The following CGNL1 variants were observed in gnomAD, a reference collection of about 807,000 sequenced individuals.
CGNL1 encodes cingulin-like protein 1.
CGNL1 carries 132 observed loss-of-function variants against 141.2 expected under a neutral mutation model. That is an observed-to-expected ratio of 0.93 (90% CI 0.81 to 1.08). The LOEUF (loss-of-function observed/expected upper bound fraction) is 1.08, where lower values mean the gene tolerates loss of function less well. Ranked by LOEUF, CGNL1 falls within the 50% of genes least tolerant of loss-of-function variation. The pLI is 0.00. For missense variants in CGNL1, 1,870 were observed against 1,588.6 expected (o/e 1.18, Z -3.01); for synonymous variants, 690 against 622.1 (o/e 1.11, Z -1.63).
intron 7 of CGNL1, among the ~76,000 whole-genome samples, chr15:57,454,635 T>C (rs2063357659): frequency 6.6e-6 from 1 of 152,190 alleles, no homozygotes; most frequent in African/African-American, 2.4e-5. Context: ...TTTTTCACAT[T>C]GGCAGAGGAG....
At chr15:57,465,273 A>G (rs886544390) in intron 8 of CGNL1, among the ~76,000 whole-genome samples, 22 of 152,072 alleles carry the variant, frequency 1.4e-4, no homozygotes, top group African/African-American at 5.1e-4. Flanking sequence ...TGAATTAAAT[A>G]TAATTTTTAA....
chr15:57,524,583 G>A lies in CGNL1; in HGVS notation c.2871G>A (p.Met957Ile), dbSNP rs749940523. Residue 957 changes from methionine (M) to isoleucine (I), a missense_variant and splice_region_variant, in exon 12 of 19, where the codon ATG becomes ATA. Transcript: ENST00000281282. ...CACACCCGTGTCACTTCTTCTAGAT[G>A]GCAGACATTGTTGAGGCCTCCCGTA... is the stretch of plus-strand genomic sequence containing the variant. The part of the protein sequence containing the change: ...GKTIEKLQKE[M>I]ADIVEASRTS... 1 of 1,612,084 alleles carries A rather than the reference G, an allele frequency of 6.2e-7. No individual in the cohort carries two copies. Among genetic ancestry groups the A allele is most frequent in the Non-Finnish European group, 8.5e-7 (1 of 1,179,328 alleles).
At chr15:57,531,617 C>T in intron 13 of CGNL1, 73 bp from the exon 14 acceptor site, 1 of 939,630 alleles carries the variant, frequency 1.1e-6, no homozygotes, top group Non-Finnish European at 1.7e-6. Context: ...GATTGTTTCT[C>T]TGTGGGGGAG....
intron 8 of CGNL1, among the ~76,000 whole-genome samples, chr15:57,502,758 G>T (rs893092892): frequency 1.3e-5 from 2 of 152,166 alleles, no homozygotes; most frequent in Admixed American, 6.5e-5. Flanking sequence ...ACTGTACCTT[G>T]TTCAAGTTGT....
At chr15:57,404,459 C>G (rs999838762) in intron 1 of CGNL1, among the ~76,000 whole-genome samples, 2 of 152,184 alleles carry the variant, frequency 1.3e-5, no homozygotes, top group African/African-American at 2.4e-5. Flanking sequence ...CTATGAAAAA[C>G]TATGGTGATG....
chr15:57,464,283 C>T (rs1250274788), intron 8 of CGNL1, among the ~76,000 whole-genome samples: 1 of 151,974 alleles, frequency 6.6e-6, no homozygotes, highest in Non-Finnish European at 1.5e-5. Context: ...AATGCTGGGC[C>T]CATGTTGCTA....
intron 3 of CGNL1, among the ~76,000 whole-genome samples, chr15:57,441,379 TA>T (rs1173397440): frequency 6.6e-6 from 1 of 152,132 alleles, no homozygotes; most frequent in African/African-American, 2.4e-5. Context: ...ATTTTTTTTT[TA>T]TTTTTTGGGA....
rs2031406782 is a variant in CGNL1, at chr15:57,523,515, G to A, written c.2742G>A (p.Glu914=). 3.7e-6 allele frequency: 6 copies of A among 1,614,090 alleles called. No individual in the cohort carries two copies. Among genetic ancestry groups the A allele is most frequent in the Non-Finnish European group, 5.1e-6 (6 of 1,180,034 alleles). Residue 914 remains glutamate, a synonymous_variant, in exon 11 of 19, where the codon GAG becomes GAA. Transcript: ENST00000281282. Reference sequence around the variant, plus strand: ...GAAATCTGAGTCAGACTACCCAGGAGCAGAAGCAGTTGTCTGAGAAGCTCA... The same window carrying A: ...GAAATCTGAGTCAGACTACCCAGGAACAGAAGCAGTTGTCTGAGAAGCTCA... ...AQGNLSQTTQ[E]QKQLSEKLKE...
rs970077888 is a variant in CGNL1 at position 57,538,953 on chromosome 15, C to G, written c.3292-4743C>G. Among the ~76,000 whole-genome samples the G allele has an allele frequency of 3.3e-5, 5 of 152,316 alleles. No individual in the cohort carries two copies. In the South Asian group the frequency reaches 1.0e-3, roughly 32 times the overall value. On this transcript the variant is annotated intron_variant, in intron 14 of 18. Transcript: ENST00000281282. ...GGTTGGAATCCCAAAGCTGCTTCCA[C>G]CTAACTCTGACTCAGAAGCTGTTTC... is the stretch of plus-strand genomic sequence containing the variant.
At chr15:57,523,430 C>A (rs777992583) in intron 10 of CGNL1, 59 bp from the exon 11 acceptor site, 17 of 1,554,932 alleles carry the variant, frequency 1.1e-5, no homozygotes, top group Non-Finnish European at 1.5e-5. Context: ...CTGTGCCACC[C>A]GTTCCTGTGG....
intron 1 of CGNL1, among the ~76,000 whole-genome samples, chr15:57,380,677 C>T (rs1299358791): frequency 6.6e-6 from 1 of 152,136 alleles, no homozygotes; most frequent in Non-Finnish European, 1.5e-5. Context: ...AGGTATCCAT[C>T]ATGCAAAGGG....
At chr15:57,544,718 A>G (rs758322637) in intron 16 of CGNL1, 121 bp downstream of exon 16, 3 of 1,146,384 alleles carry the variant, frequency 2.6e-6, no homozygotes, top group Non-Finnish European at 3.6e-6. Flanking sequence ...AGGCAGAGCA[A>G]CTACACCCTT....
intron 7 of CGNL1, among the ~76,000 whole-genome samples, chr15:57,454,628 T>C (rs1432414347): frequency 6.6e-6 from 1 of 152,200 alleles, no homozygotes; most frequent in Non-Finnish European, 1.5e-5. Flanking sequence ...GAATCCATTT[T>C]TCACATTGGC....
At chr15:57,424,429 G>T (rs1314147594) in intron 1 of CGNL1, among the ~76,000 whole-genome samples, 2 of 152,136 alleles carry the variant, frequency 1.3e-5, no homozygotes, top group Admixed American at 6.5e-5. Context: ...ACCAGAGTGT[G>T]GGTTCTGTGG....
intron 1 of CGNL1, among the ~76,000 whole-genome samples, chr15:57,414,056 C>T (rs1344217171): frequency 6.6e-6 from 1 of 152,202 alleles, no homozygotes; most frequent in African/African-American, 2.4e-5. Context: ...AGAAGGTTTA[C>T]TAAAGTGATC....
At chr15:57,426,011 G>A (rs1355017220) in intron 1 of CGNL1, among the ~76,000 whole-genome samples, 2 of 152,060 alleles carry the variant, frequency 1.3e-5, no homozygotes, top group African/African-American at 4.8e-5. Flanking sequence ...GGCTTAGGAA[G>A]GTATGTAGGC....
In CGNL1 at chr15:57,438,171, A is replaced by C; in HGVS notation, c.172A>C (p.Asn58His). 1 of 1,614,176 alleles carries C rather than the reference A, an allele frequency of 6.2e-7. No individual in the cohort carries two copies. Among genetic ancestry groups the C allele is most frequent in the Non-Finnish European group, 8.5e-7 (1 of 1,180,018 alleles). ...GIDGHPYIVL[N>H]NTERCLAGTS... ...TGATGGTCACCCCTATATTGTCCTG[A>C]ATAACACAGAACGGTGCCTAGCAGG... Residue 58 changes from asparagine (N) to histidine (H), a missense_variant, in exon 2 of 19, where the codon AAT (asparagine) becomes CAT (histidine). By Grantham distance (68) the Asn-to-His change is moderately conservative (BLOSUM62 1). Coordinates refer to ENST00000281282, the MANE Select transcript of CGNL1 (RefSeq NM_032866.5).
Position 57,533,300 on chromosome 15 carries a change from G to C in CGNL1, c.3291+1521G>C, listed in dbSNP as rs143664902. 2.6e-4 allele frequency among the ~76,000 whole-genome samples: 40 copies of C among 152,274 alleles called. No individual in the cohort carries two copies. In the East Asian group the frequency reaches 7.1e-3, roughly 27 times the overall value. On this transcript the variant is annotated intron_variant, in intron 14 of 18. Transcript: ENST00000281282. ...CACAGGTTTAGAGAGGGACCTTCCT[G>C]AAAATCAGAGGCCCAGATAGAGAGC...
chr15:57,542,845 C>A (rs1337919755), intron 14 of CGNL1, among the ~76,000 whole-genome samples: 1 of 152,164 alleles, frequency 6.6e-6, no homozygotes, highest in African/African-American at 2.4e-5. Flanking sequence ...CATCCTCAGT[C>A]CAGGCAAACT....
Sources: allele counts gnomAD v4.1 joint callset (sites outside exome capture counted in the v4.1 genomes callset), GRCh38; gene constraint gnomAD v4.1.1; transcripts MANE v1.5; gene names NCBI Gene and HGNC (gene_info 2026-07-23, HGNC 2026-07-21).